DNAH5: variants seen among roughly 807,000 people sequenced by gnomAD.
DNAH5 encodes axonemal beta dynein heavy chain 5.
Under a neutral mutation model 518.2 loss-of-function variants are expected in DNAH5, and 372 were observed. The observed-to-expected ratio is 0.72, with a 90% CI of 0.66 to 0.78. DNAH5 has a LOEUF of 0.78. Among genes scored for constraint, DNAH5 ranks in the 30% least tolerant of loss-of-function variants. DNAH5 has a pLI of 0.00. For missense variants in DNAH5, 5,523 were observed against 5,687.0 expected (o/e 0.97, Z 0.93); for synonymous variants, 2,039 against 2,025.9 (o/e 1.01, Z -0.17).
At chr5:13,871,511 G>C (rs1770097174) in intron 23 of DNAH5, 53 bp downstream of exon 23, 1 of 1,445,324 alleles carries the variant, frequency 6.9e-7, no homozygotes, top group African/African-American at 1.4e-5. Context: ...TAGGTAAAGA[G>C]GCAGAACAAT....
intron 22 of DNAH5, among the ~76,000 whole-genome samples, chr5:13,874,584 C>A (rs191221616): frequency 6.6e-6 from 1 of 152,248 alleles, no homozygotes; most frequent in African/African-American, 2.4e-5. Context: ...GTGGCACCAT[C>A]TCAGCTCACT....
upstream of DNAH5, among the ~76,000 whole-genome samples, chr5:13,949,508 A>G (rs900845904): frequency 6.6e-6 from 1 of 152,194 alleles, no homozygotes; most frequent in Admixed American, 6.5e-5. Context: ...ATACAGGGTA[A>G]TCTTGAAAAG....
In DNAH5 at chr5:13,776,548, G is replaced by C; in HGVS notation, c.9264C>G (p.Phe3088Leu). The C allele has an allele frequency of 6.2e-7, 1 of 1,613,944 alleles. No homozygotes were observed. ...VRQNLHIVLC[F>L]SPVGEKFRNR... ...TTCGAAATTTCTCCCCCACTGGCGA[G>C]AAGCAGAGCACAATATGAAGGTTCT... Residue 3088 changes from phenylalanine to leucine, a missense_variant, in exon 55 of 79, where the codon TTC becomes TTG. By Grantham distance (22) the Phe-to-Leu change is conservative. Transcript: ENST00000265104.
chr5:13,833,846 T>C lies in DNAH5; in HGVS notation c.5883-3071A>G, dbSNP rs560650015. Among the ~76,000 whole-genome samples the C allele has an allele frequency of 8.5e-5, 13 of 152,352 alleles. No individual in the cohort carries two copies. The South Asian group carries it at 2.3e-3, about 27-fold the overall frequency. ...CTACGAGTTTTGGAGAAAAGTGCTG[T>C]ATGTTATCATATTATAATAGCTATT... On this transcript the variant is annotated intron_variant, in intron 35 of 78. Transcript: ENST00000265104.
chr5:13,864,430 C>T lies in DNAH5; in HGVS notation c.4563G>A (p.Glu1521=). 6.2e-7 allele frequency: 1 copy of T among 1,614,084 alleles called. No homozygotes were observed. The highest frequency in any genetic ancestry group is 8.5e-7 in the Non-Finnish European group (1 of 1,179,982). Residue 1521 remains glutamate, a synonymous_variant, in exon 28 of 79, where the codon GAG becomes GAA. Coordinates refer to ENST00000265104, the MANE Select transcript of DNAH5 (RefSeq NM_001369.3). ...NESFKLRNIM[E]APLLKYKEEI... ...CCTCTTTATATTTCAGAAGAGGTGC[C>T]TCCATGATATTTCTTAACTTAAAGC...
At chr5:13,708,063 CA>C (rs762893833) in intron 76 of DNAH5, 59 bp downstream of exon 76, 251 of 1,561,112 alleles carry the variant, frequency 1.6e-4, no homozygotes, top group Non-Finnish European at 2.1e-4. Flanking sequence ...TTCCACTTGC[CA>C]ATTACAACTC....
intron 24 of DNAH5, among the ~76,000 whole-genome samples, chr5:13,868,772 A>G (rs1580672904): frequency 6.6e-6 from 1 of 152,212 alleles, no homozygotes; most frequent in Non-Finnish European, 1.5e-5. Context: ...GATCAGGGTA[A>G]TACCAAGACC....
intron 35 of DNAH5, among the ~76,000 whole-genome samples, chr5:13,837,196 C>G (rs1258063205): frequency 3.3e-5 from 5 of 152,204 alleles, no homozygotes; most frequent in Non-Finnish European, 4.4e-5. Flanking sequence ...GTTCAAGCTT[C>G]TAAATTTATG....
At chr5:13,986,417 G>A (rs339416) in intron 1 of DNAH5, among the ~76,000 whole-genome samples, 5,435 of 152,214 alleles carry the variant, frequency 0.036, 179 homozygotes, top group East Asian at 0.12. Flanking sequence ...GGAGAACCCC[G>A]GGCCAAGCTG....
At chr5:13,881,698 G>T (rs180749590) in intron 21 of DNAH5, among the ~76,000 whole-genome samples, 1 of 151,764 alleles carries the variant, frequency 6.6e-6, no homozygotes, top group Non-Finnish European at 1.5e-5. Context: ...AAGAGGAAAC[G>T]GTATAGCAAA....
chr5:13,769,516 G>A lies in DNAH5; in HGVS notation c.9705C>T (p.Asn3235=), dbSNP rs770064361. ...EAKEKELQVA[N]DKADMVLKEV... is the part of the protein sequence containing the mutation. ...GCCCACCCACCATGTCGGCTTTATC[G>A]TTGGCCACTTGTAGCTCCTTTTCTT... is the stretch of plus-strand genomic sequence containing the variant. The change falls in exon 57 of 79, where the codon AAC becomes AAT. Residue 3235 remains asparagine (N), a synonymous_variant. Coordinates refer to ENST00000265104, the MANE Select transcript of DNAH5 (RefSeq NM_001369.3). 4.5e-5 allele frequency: 73 copies of A among 1,613,810 alleles called. 1 individual carries two copies. Among genetic ancestry groups the A allele is most frequent in the East Asian group, 8.9e-5 (4 of 44,888 alleles).
At position 13,866,302 on chromosome 5, in the gene DNAH5, A is replaced by G. The variant is rs371107640; in HGVS notation, c.4054-20T>C. On this transcript the variant is annotated intron_variant, in intron 25 of 78. Coordinates refer to ENST00000265104, the MANE Select transcript of DNAH5 (RefSeq NM_001369.3). ...ACCATTCTGAACAAAAAGTAAAAAAAGAAAAATAGAAGGAAGTGTTTGCAT... is the reference window on the plus strand; with the variant it reads ...ACCATTCTGAACAAAAAGTAAAAAAGGAAAAATAGAAGGAAGTGTTTGCAT... The G allele has an allele frequency of 5.2e-5, 83 of 1,605,970 alleles. No homozygotes were observed. The African/African-American group carries it at 1.1e-3, about 20-fold the overall frequency.
At position 13,914,621 on chromosome 5, in the gene DNAH5, C is replaced by T; in HGVS notation, c.1219G>A (p.Ala407Thr). The change falls in exon 10 of 79, where the codon GCA becomes ACA. Residue 407 changes from alanine (A) to threonine (T), a missense_variant. Physicochemically the swap from Ala to Thr is moderately conservative, Grantham distance 58. Coordinates refer to ENST00000265104, the MANE Select transcript of DNAH5 (RefSeq NM_001369.3). ...FVKVTNQIIS[A>T]CKAYITNNGT... is the part of the protein sequence containing the mutation. ...TTATTGGTAATATAGGCTTTACATGCAGATATAATCTGATTTGTCACCTGG... is the reference window on the plus strand; with the variant it reads ...TTATTGGTAATATAGGCTTTACATGTAGATATAATCTGATTTGTCACCTGG... 2 of 1,613,056 alleles carry T rather than the reference C, an allele frequency of 1.2e-6. No homozygotes were observed. Among genetic ancestry groups the T allele is most frequent in the South Asian group, 1.1e-5 (1 of 91,042 alleles).
intron 1 of DNAH5, among the ~76,000 whole-genome samples, chr5:13,964,173 C>CT (rs891040618): frequency 1.3e-5 from 2 of 151,808 alleles, no homozygotes; most frequent in Non-Finnish European, 2.9e-5. Flanking sequence ...AAACACTTGA[C>CT]TTTTTTTTTC....
chr5:13,775,678 G>A (rs1753985063), intron 55 of DNAH5, among the ~76,000 whole-genome samples: 1 of 152,034 alleles, frequency 6.6e-6, no homozygotes, highest in Non-Finnish European at 1.5e-5. Flanking sequence ...ATTCTCAGAT[G>A]GGGTACCACA....
chr5:13,842,317 T>C (rs541877294), intron 32 of DNAH5, among the ~76,000 whole-genome samples: 1 of 148,962 alleles, frequency 6.7e-6, no homozygotes, highest in Admixed American at 6.7e-5. Context: ...GAGGCGGAGG[T>C]TGCAGTGAGC....
intron 65 of DNAH5, among the ~76,000 whole-genome samples, chr5:13,738,303 T>A (rs1747879877): frequency 6.6e-6 from 1 of 152,122 alleles, no homozygotes; most frequent in Non-Finnish European, 1.5e-5. Context: ...AAGATATATA[T>A]CTCTGATTAA....
At chr5:13,975,723 T>C (rs1782192083) in intron 1 of DNAH5, among the ~76,000 whole-genome samples, 1 of 152,228 alleles carries the variant, frequency 6.6e-6, no homozygotes, top group Admixed American at 6.5e-5. Context: ...CAACATCCAT[T>C]CTAATACATT....
At chr5:13,769,248 T>TTG in intron 57 of DNAH5, 112 bp from the exon 58 acceptor site, 4 of 170,520 alleles carry the variant, frequency 2.3e-5, no homozygotes, top group Non-Finnish European at 3.5e-5. Context: ...AGTTTTGTTG[T>TTG]TTTTTTTTTT....
Sources: allele counts gnomAD v4.1 joint callset (sites outside exome capture counted in the v4.1 genomes callset), GRCh38; gene constraint gnomAD v4.1.1; transcripts MANE v1.5; gene names NCBI Gene and HGNC (gene_info 2026-07-23, HGNC 2026-07-21).